ZNF117: variants seen among roughly 807,000 people sequenced by gnomAD.
ZNF117 encodes the protein zinc finger protein 117, also known as Krueppel-related zinc finger protein.
A neutral mutation model predicts 41.2 loss-of-function variants in ZNF117; 37 were observed. The observed-to-expected ratio is 0.90, with a 90% CI of 0.69 to 1.18. ZNF117 has a LOEUF of 1.18. Among genes scored for constraint, ZNF117 ranks in the 50% most tolerant of loss-of-function variants. ZNF117 has a pLI of 0.00. For synonymous variants in ZNF117, 186 were observed against 186.6 expected, an observed-to-expected ratio of 1.00 and a Z score of 0.02; for missense variants, 546 against 557.5, an observed-to-expected ratio of 0.98 and a Z score of 0.21.
chr7:64,979,249 G>A (rs1298408352), exon 3 of ZNF117: 4 of 1,607,860 alleles, frequency 2.5e-6, no homozygotes, highest in East Asian at 4.5e-5. Flanking sequence ...CATTTAAAAT[G>A]TTTATTTTCA....
chr7:64,989,182 C>A (rs1361055405), intron 1 of ZNF117, among the ~76,000 whole-genome samples: 1 of 150,968 alleles, frequency 6.6e-6, no homozygotes, highest in Non-Finnish European at 1.5e-5. Flanking sequence ...CATATACACA[C>A]ACACACACAT....
At chr7:64,981,609 AC>A (rs1375861679) in intron 1 of ZNF117, 127 bp from the exon 3 acceptor site, 2 of 849,710 alleles carry the variant, frequency 2.4e-6, no homozygotes, top group Non-Finnish European at 3.5e-6. Context: ...CTAATTTATA[AC>A]AAAAATTTCT....
At chr7:64,976,914 T>C (rs900794602) in exon 3 of ZNF117, 2 of 514,824 alleles carry the variant, frequency 3.9e-6, no homozygotes, top group African/African-American at 1.9e-5. Flanking sequence ...CTCTCAAATA[T>C]GAATTGTCTT....
chr7:64,981,268 G>A (rs190915788), intron 2 of ZNF117, 119 bp downstream of exon 3: 285 of 1,310,826 alleles, frequency 2.2e-4, no homozygotes, highest in Non-Finnish European at 2.9e-4. Flanking sequence ...AAAAAAACTC[G>A]GGCTTTCCAG....
exon 3 of ZNF117, chr7:64,975,623 T>C (rs868534431): frequency 1.3e-5 from 2 of 152,168 alleles, no homozygotes; most frequent in African/African-American, 4.8e-5. Context: ...TTGAGTTGAA[T>C]TACATCATTC....
At chr7:64,983,428 C>G (rs1421269188), upstream of ZNF117, among the ~76,000 whole-genome samples, 1 of 151,348 alleles carries the variant, frequency 6.6e-6, no homozygotes, top group East Asian at 1.9e-4. Flanking sequence ...TTTTCAGAGA[C>G]CCTTGACTAT....
chr7:64,981,943 A>G (rs971068873), intron 1 of ZNF117, 41 bp downstream of exon 2: 1 of 483,488 alleles, frequency 2.1e-6, no homozygotes, highest in African/African-American at 2.0e-5. Context: ...AAAGAGAATT[A>G]AAACCTTTAG....
upstream of ZNF117, among the ~76,000 whole-genome samples, chr7:64,983,936 A>C (rs1786084282): frequency 6.6e-6 from 1 of 152,250 alleles, no homozygotes; most frequent in Admixed American, 6.5e-5. Flanking sequence ...AGTCAGCCAG[A>C]AAATATTCTG....
upstream of ZNF117, chr7:64,982,206 A>AACAGTAAAG: frequency 1.9e-6 from 1 of 514,068 alleles, no homozygotes; most frequent in Non-Finnish European, 3.5e-6. Context: ...GGTAAAATAA[A>AACAGTAAAG]ACAGTAAAGA....
chr7:64,978,247 C>G (rs968720122), exon 3 of ZNF117: 1 of 1,611,628 alleles, frequency 6.2e-7, no homozygotes, highest in Admixed American at 1.7e-5. Flanking sequence ...TAGGGTTTCT[C>G]TCCAGTATGA....
chr7:64,976,501 A>G (rs1196537146), exon 3 of ZNF117: 2 of 159,608 alleles, frequency 1.3e-5, no homozygotes, highest in African/African-American at 4.8e-5. Context: ...TAATGCTTTT[A>G]TTAAGCACTA....
intron 1 of ZNF117, among the ~76,000 whole-genome samples, chr7:64,989,693 G>GA (rs1244441437): frequency 7.7e-4 from 116 of 151,148 alleles, no homozygotes; most frequent in Non-Finnish European, 2.2e-4. Context: ...CAGACTAGAA[G>GA]AAAATATTTG....
At chr7:64,977,223 C>A (rs1785911929) in exon 3 of ZNF117, 1 of 422,974 alleles carries the variant, frequency 2.4e-6, no homozygotes, top group Middle Eastern at 3.6e-4. Flanking sequence ...ACATTCTTCA[C>A]ATTTGTAGGA....
At chr7:64,972,881 T>C (rs999562160), downstream of ZNF117, 1 of 152,068 alleles carries the variant, frequency 6.6e-6, no homozygotes, top group South Asian at 2.1e-4. Flanking sequence ...CCAAACATCA[T>C]GTTTTGCAGA....
chr7:64,980,746 C>T (rs1011424232), intron 2 of ZNF117: 1 of 151,706 alleles, frequency 6.6e-6, no homozygotes, highest in African/African-American at 2.4e-5. Context: ...ATTTGCAGGC[C>T]AGAAGGGAAC....
At position 64,981,287 on chromosome 7, in the gene ZNF117, T is replaced by G. The variant is rs1004185307; in HGVS notation, c.34+100A>C. 7.5e-6 allele frequency: 11 copies of G among 1,465,716 alleles called. No individual in the cohort carries two copies. The African/African-American group carries it at 1.4e-4, about 19-fold the overall frequency. The allele number at this position is 1,465,716 out of a possible 1,614,324, so 90.8% of individuals were successfully genotyped here. ...AAACTCGGGCTTTCCAGAAACTATT[T>G]CCTTTGGAACACAGCTTACCAAATC... On this transcript the variant is annotated intron_variant, in intron 2 of 2. Transcript: ENST00000620222.
At chr7:64,986,094 T>C (rs1303570154), upstream of ZNF117, among the ~76,000 whole-genome samples, 1 of 152,102 alleles carries the variant, frequency 6.6e-6, no homozygotes, top group Admixed American at 6.5e-5. Flanking sequence ...CATCTTAATT[T>C]TGCATGCCAT....
intron 1 of ZNF117, among the ~76,000 whole-genome samples, chr7:64,989,476 TA>T (rs1786210761): frequency 2.0e-5 from 2 of 98,368 alleles, no homozygotes; most frequent in African/African-American, 3.8e-5. Flanking sequence ...TATATATATA[TA>T]TATATATATA....
At chr7:64,987,812 C>T (rs899241487) in intron 1 of ZNF117, among the ~76,000 whole-genome samples, 2 of 138,862 alleles carry the variant, frequency 1.4e-5, no homozygotes, top group Non-Finnish European at 3.1e-5. Flanking sequence ...AGTGAGACCC[C>T]GTTCTCCACA....
Sources: allele counts gnomAD v4.1 joint callset (sites outside exome capture counted in the v4.1 genomes callset), GRCh38; gene constraint gnomAD v4.1.1; transcripts MANE v1.5; gene names NCBI Gene and HGNC (gene_info 2026-07-23, HGNC 2026-07-21).